The following USP32 variants were observed in gnomAD, a reference collection of about 807,000 sequenced individuals.
The protein encoded by USP32 is ubiquitin specific peptidase 32.
In USP32, 59 loss-of-function variants were observed where a neutral mutation model predicts 204.8. The observed-to-expected ratio is 0.29, with a 90% CI of 0.23 to 0.36. The LOEUF is 0.36. Ranked by LOEUF, USP32 falls within the 10% of genes least tolerant of loss-of-function variation. The pLI is 1.00. For synonymous variants in USP32, 517 were observed against 678.4 expected (o/e 0.76, Z 3.70); for missense variants, 1,160 against 1,946.4 (o/e 0.60, Z 7.60).
At chr17:60,344,448 A>C (rs2088736373) in intron 2 of USP32, among the ~76,000 whole-genome samples, 1 of 151,586 alleles carries the variant, frequency 6.6e-6, no homozygotes, top group Admixed American at 6.6e-5. Context: ...TTATCTTATA[A>C]AATTTATTCT....
intron 29 of USP32, among the ~76,000 whole-genome samples, chr17:60,188,155 A>C (rs1244441861): frequency 6.6e-6 from 1 of 151,994 alleles, no homozygotes. Flanking sequence ...TAATCTGTGC[A>C]TTTTTTGTAA....
At chr17:60,264,881 A>C (rs113943940) in intron 9 of USP32, among the ~76,000 whole-genome samples, 8 of 141,658 alleles carry the variant, frequency 5.6e-5, no homozygotes, top group Middle Eastern at 3.3e-3. Flanking sequence ...AAAAAAAAAA[A>C]AGAGAGAGAG....
At chr17:60,233,858 T>C (rs904827545) in intron 12 of USP32, among the ~76,000 whole-genome samples, 4 of 152,184 alleles carry the variant, frequency 2.6e-5, no homozygotes, top group South Asian at 4.1e-4. Flanking sequence ...CCCCATCTTA[T>C]TGAATAAATT....
intron 11 of USP32, chr17:60,249,792 G>C (rs1405684712): frequency 1.4e-6 from 1 of 698,434 alleles, no homozygotes; most frequent in Non-Finnish European, 2.6e-6. Flanking sequence ...AGTTTTTTAA[G>C]TGCTTTTGGG....
chr17:60,393,190 C>T (rs1292109408), upstream of USP32, among the ~76,000 whole-genome samples: 1 of 152,188 alleles, frequency 6.6e-6, no homozygotes, highest in Non-Finnish European at 1.5e-5. Flanking sequence ...TTAAGTATTT[C>T]CTCTGAGTGG....
rs2085451320 is a variant in USP32 at position 60,228,380 on chromosome 17, A to G, written c.1240-2149T>C. ...ATGATCTATGTCAAAAAAGAAGTATAAATTAGTCCTAAGTGTTAATTTTCT... is the reference window on the plus strand; with the variant it reads ...ATGATCTATGTCAAAAAAGAAGTATGAATTAGTCCTAAGTGTTAATTTTCT... On this transcript the variant is annotated intron_variant, in intron 12 of 33. Coordinates refer to ENST00000300896, the MANE Select transcript of USP32 (RefSeq NM_032582.4). 2.0e-5 allele frequency among the ~76,000 whole-genome samples: 3 copies of G among 152,310 alleles called. No homozygotes were observed. In the East Asian group the frequency reaches 5.8e-4, roughly 29 times the overall value.
chr17:60,346,037 C>CT (rs1437911512), intron 1 of USP32, among the ~76,000 whole-genome samples: 1 of 151,902 alleles, frequency 6.6e-6, no homozygotes, highest in African/African-American at 2.4e-5. Flanking sequence ...CATTACACTT[C>CT]TTTTTTGGTT....
At chr17:60,399,907 CTT>C (rs1453712302) in intron 1 of USP32, among the ~76,000 whole-genome samples, 5 of 152,082 alleles carry the variant, frequency 3.3e-5, no homozygotes, top group African/African-American at 4.8e-5. Context: ...TCTTTACAGA[CTT>C]TGGCTCTTGC....
At chr17:60,351,039 G>A (rs1286909634) in intron 1 of USP32, among the ~76,000 whole-genome samples, 3 of 152,038 alleles carry the variant, frequency 2.0e-5, no homozygotes, top group African/African-American at 7.2e-5. Flanking sequence ...CCTAGCAGCT[G>A]AGAAATTCAA....
At position 60,390,176 on chromosome 17, in the gene USP32, TC is replaced by T. The variant is rs1163602340; in HGVS notation, c.58+1705del. Among the ~76,000 whole-genome samples, 51 of 152,342 alleles carry T rather than the reference TC, an allele frequency of 3.3e-4. 1 individual carries two copies. The highest frequency in any genetic ancestry group is 6.8e-3 in the Middle Eastern group (2 of 294). ...AGATCAGTTTAAAATGCAATTAACT[TC>T]ATTTGTATTTACAAACGTACCATCT... On this transcript the variant is annotated intron_variant, in intron 1 of 33. Transcript: ENST00000300896.
intron 1 of USP32, among the ~76,000 whole-genome samples, chr17:60,380,124 G>A (rs1184191307): frequency 1.3e-5 from 2 of 152,200 alleles, no homozygotes; most frequent in Non-Finnish European, 2.9e-5. Context: ...AGGATAGACA[G>A]AATTGAATGG....
intron 25 of USP32, among the ~76,000 whole-genome samples, chr17:60,206,046 G>A (rs1168509281): frequency 6.6e-6 from 1 of 152,014 alleles, no homozygotes; most frequent in East Asian, 1.9e-4. Context: ...TAGGCTGGAT[G>A]AGGCAGCTCA....
intron 2 of USP32, among the ~76,000 whole-genome samples, chr17:60,332,395 C>G (rs1598256601): frequency 1.3e-5 from 2 of 152,278 alleles, no homozygotes; most frequent in Middle Eastern, 6.8e-3. Context: ...AGCCTGTAAT[C>G]CCAGCACTTT....
At chr17:60,237,289 T>C (rs2333671) in intron 11 of USP32, among the ~76,000 whole-genome samples, 49,336 of 150,118 alleles carry the variant, frequency 0.33, 14,905 homozygotes, top group African/African-American at 0.81. Context: ...TACAGGTGTG[T>C]GCTATGCCCA....
At chr17:60,342,825 C>T (rs2145996230) in intron 2 of USP32, among the ~76,000 whole-genome samples, 1 of 152,298 alleles carries the variant, frequency 6.6e-6, no homozygotes, top group African/African-American at 2.4e-5. Context: ...TAGTTACAGT[C>T]TGACATGGAT....
At chr17:60,383,853 T>A (rs1862239400) in intron 1 of USP32, among the ~76,000 whole-genome samples, 1 of 152,238 alleles carries the variant, frequency 6.6e-6, no homozygotes, top group South Asian at 2.1e-4. Context: ...TAGACCACTA[T>A]AAAGACTACA....
rs548082541 is a variant in USP32, at chr17:60,266,078, T to A, written c.825A>T (p.Val275=). ...GAACTCCATCACGGTCAACATCAAA[T>A]ACCTTGAAGCAAACTAATGAAAAGA... ...LAERQKFCFK[V]FDVDRDGVLS... is the part of the protein sequence containing the mutation. Residue 275 remains valine, a synonymous_variant, in exon 8 of 34, where the codon GTA becomes GTT. Coordinates refer to ENST00000300896, the MANE Select transcript of USP32 (RefSeq NM_032582.4). 1 of 1,613,618 alleles carries A rather than the reference T, an allele frequency of 6.2e-7. No individual in the cohort carries two copies. Among genetic ancestry groups the A allele is most frequent in the South Asian group, 1.1e-5 (1 of 91,074 alleles).
chr17:60,414,340 G>T (rs1004037779), intron 1 of USP32, among the ~76,000 whole-genome samples: 22 of 150,594 alleles, frequency 1.5e-4, no homozygotes, highest in South Asian at 1.0e-3. Flanking sequence ...TCCAGCTTAG[G>T]TGACAGAGCA....
chr17:60,277,951 C>T (rs2145812377), intron 5 of USP32, among the ~76,000 whole-genome samples: 2 of 141,242 alleles, frequency 1.4e-5, no homozygotes, highest in Non-Finnish European at 1.5e-5. Context: ...GACAGGGTCT[C>T]ACTCTGTCAC....
Sources: allele counts gnomAD v4.1 joint callset (sites outside exome capture counted in the v4.1 genomes callset), GRCh38; gene constraint gnomAD v4.1.1; transcripts MANE v1.5; gene names NCBI Gene and HGNC (gene_info 2026-07-23, HGNC 2026-07-21).